CNGB1: variants seen among roughly 807,000 people sequenced by gnomAD.
CNGB1 encodes cyclic nucleotide-gated channel beta-1.
In CNGB1, 126 loss-of-function variants were observed where a neutral mutation model predicts 151.7. The ratio of observed to expected loss-of-function variants is 0.83; its 90% CI spans 0.72 to 0.96. The LOEUF is 0.96. CNGB1 is among the 40% of genes least tolerant of loss of function. The pLI is 0.00. For synonymous variants in CNGB1, 623 were observed against 635.1 expected, an observed-to-expected ratio of 0.98 and a Z score of 0.29; for missense variants, 1,698 against 1,627.0, an observed-to-expected ratio of 1.04 and a Z score of -0.75.
At chr16:57,945,615 G>C (rs73545162) in intron 14 of CNGB1, among the ~76,000 whole-genome samples, 14,824 of 152,300 alleles carry the variant, frequency 0.097, 803 homozygotes, top group South Asian at 0.11. Flanking sequence ...ATGTTGTTCT[G>C]GTGATTCTTC....
chr16:57,910,782 A>G (rs1287494415), intron 25 of CNGB1, among the ~76,000 whole-genome samples: 2 of 150,496 alleles, frequency 1.3e-5, no homozygotes, highest in African/African-American at 4.9e-5. Flanking sequence ...TCTAACCAAT[A>G]TAAACCTTAC....
rs146531923 is a variant in CNGB1 at position 57,912,410 on chromosome 16, A to G, written c.2369+520T>C. On this transcript the variant is annotated intron_variant, in intron 24 of 32. Transcript: ENST00000251102. ...CCAGCTGATGTGCACCCTCATCACA[A>G]TGAGGGGCATCGGATATTCCTGGTT... is the stretch of plus-strand genomic sequence containing the variant. Among the ~76,000 whole-genome samples the G allele has an allele frequency of 5.0e-3, 754 of 152,312 alleles. 7 individuals are homozygous for G. The highest frequency in any genetic ancestry group is 0.016 in the African/African-American group (680 of 41,562).
chr16:57,954,024 A>G (rs541263571), intron 12 of CNGB1, among the ~76,000 whole-genome samples: 1 of 152,208 alleles, frequency 6.6e-6, no homozygotes, highest in East Asian at 1.9e-4. Context: ...CCTGTCTCCA[A>G]TGCTTGCTCA....
At position 57,967,266 on chromosome 16, in the gene CNGB1, C is replaced by G. The variant is rs763447996; in HGVS notation, c.21G>C (p.Arg7Ser). ...GGGTCCCTGGGGGCTGAGGCAGCAC[C>G]CTCTGGACCCAGCCCAACATCCTGA... MLGWVQ[R>S]VLPQPPGTPR... The change falls in exon 2 of 33, where the codon AGG (arginine) becomes AGC (serine). Residue 7 changes from arginine to serine, a missense_variant. Physicochemically the swap from Arg to Ser is moderately radical, Grantham distance 110. Transcript: ENST00000251102. 2 of 1,614,050 alleles carry G rather than the reference C, an allele frequency of 1.2e-6. No individual in the cohort carries two copies. The highest frequency in any genetic ancestry group is 1.7e-6 in the Non-Finnish European group (2 of 1,180,026).
chr16:57,917,618 GTGTA>G lies in CNGB1; in HGVS notation c.1958-146_1958-143del, dbSNP rs1567376598. 151 of 677,964 alleles carry G rather than the reference GTGTA, an allele frequency of 2.2e-4. 1 individual carries two copies. Among genetic ancestry groups the G allele is most frequent in the Middle Eastern group, 1.2e-3 (3 of 2,524 alleles). 42.0% of individuals were successfully genotyped at this position (677,964 alleles called of 1,614,324 possible). On this transcript the variant is annotated intron_variant, in intron 20 of 32. Transcript: ENST00000251102. ...TAAGAGTGTGTGTATGTGTGTGTGTGTGTATATATACACACACACACACACACAC... is the reference window on the plus strand; with the variant it reads ...TAAGAGTGTGTGTATGTGTGTGTGTGTATATACACACACACACACACACAC...
chr16:57,957,092 A>G (rs1962105558), intron 12 of CNGB1, among the ~76,000 whole-genome samples: 2 of 152,178 alleles, frequency 1.3e-5, no homozygotes, highest in Admixed American at 1.3e-4. Flanking sequence ...GAAGCTGGAC[A>G]CTGGGCTCCG....
Position 57,911,863 on chromosome 16 carries a change from G to T in CNGB1, c.2382C>A (p.Thr794=). The stretch of plus-strand genomic sequence containing the variant: ...GCAGGCTGTAGAGAAGGTAGGCTGT[G>T]GTCCTGATGACCCTGCAGAAGGAAC... ...SKAYVYRVIR[T]TAYLLYSLHL... Residue 794 remains threonine, a synonymous_variant, in exon 25 of 33, where the codon ACC becomes ACA. Transcript: ENST00000251102. The T allele has an allele frequency of 6.2e-7, 1 of 1,613,738 alleles. No homozygotes were observed. The highest frequency in any genetic ancestry group is 8.5e-7 in the Non-Finnish European group (1 of 1,179,804).
intron 11 of CNGB1, among the ~76,000 whole-genome samples, chr16:57,958,008 T>G (rs371251470): frequency 1.1e-4 from 17 of 152,316 alleles, no homozygotes; most frequent in East Asian, 7.7e-4. Flanking sequence ...GCCACTCATG[T>G]TGGAGCCCTA....
chr16:57,961,691 A>G (rs1351245108), intron 7 of CNGB1, among the ~76,000 whole-genome samples: 1 of 152,184 alleles, frequency 6.6e-6, no homozygotes, highest in Non-Finnish European at 1.5e-5. Context: ...GTGTGATTAT[A>G]TATACGTGTG....
chr16:57,905,199 C>T (rs553770454), intron 25 of CNGB1, among the ~76,000 whole-genome samples: 6 of 152,284 alleles, frequency 3.9e-5, no homozygotes, highest in South Asian at 2.1e-4. Flanking sequence ...TCCTAATGAC[C>T]GCACTCCCTC....
At chr16:57,970,725 C>T (rs979105374) in intron 1 of CNGB1, among the ~76,000 whole-genome samples, 1 of 152,144 alleles carries the variant, frequency 6.6e-6, no homozygotes, top group Non-Finnish European at 1.5e-5. Context: ...CTGCTGACTG[C>T]ACTTTGATGA....
intron 1 of CNGB1, among the ~76,000 whole-genome samples, chr16:57,968,824 C>T (rs1017250272): frequency 2.8e-5 from 4 of 145,452 alleles, no homozygotes; most frequent in African/African-American, 5.1e-5. Context: ...CTCAGGAGTT[C>T]GAGACCACTG....
chr16:57,885,444 G>A (rs1339422108), intron 32 of CNGB1, among the ~76,000 whole-genome samples: 1 of 151,568 alleles, frequency 6.6e-6, no homozygotes, highest in African/African-American at 2.4e-5. Context: ...TGGTGCCCCT[G>A]TCCCACCCTC....
intron 3 of CNGB1, 134 bp from the exon 4 acceptor site, chr16:57,964,336 C>G: frequency 2.2e-6 from 3 of 1,352,560 alleles, no homozygotes; most frequent in South Asian, 2.4e-5. Context: ...CTCAGCTCAA[C>G]TGAAGTCTCT....
chr16:57,895,664 G>C (rs1411847108), intron 31 of CNGB1, among the ~76,000 whole-genome samples: 2 of 151,704 alleles, frequency 1.3e-5, no homozygotes, highest in African/African-American at 4.8e-5. Flanking sequence ...ACTGCTCCTA[G>C]GACTCAGATC....
At position 57,950,472 on chromosome 16, in the gene CNGB1, C is replaced by A. The variant is rs377036528; in HGVS notation, c.943G>T (p.Asp315Tyr). The A allele has an allele frequency of 2.5e-6, 4 of 1,614,118 alleles. No individual in the cohort carries two copies. Among genetic ancestry groups the A allele is most frequent in the African/African-American group, 1.3e-5 (1 of 74,940 alleles). Reference protein sequence around the residue: ...VLEEVEPPWEDAHQDVSTSPQ... With the variant: ...VLEEVEPPWEYAHQDVSTSPQ... ...CTGGTACTGACATCCTGGTGGGCAT[C>A]CTCCCAGGGCGGTTCAACCTCCTCT... Residue 315 changes from aspartate (D) to tyrosine (Y), a missense_variant, in exon 13 of 33, where the codon GAT becomes TAT. Transcript: ENST00000251102.
intron 16 of CNGB1, 133 bp from the exon 17 acceptor site, chr16:57,932,011 G>T: frequency 1.0e-6 from 1 of 996,202 alleles, no homozygotes; most frequent in Non-Finnish European, 1.5e-6. Context: ...TCCCAATGGG[G>T]CACACAGAAA....
At chr16:57,906,295 G>A (rs1960548464) in intron 25 of CNGB1, among the ~76,000 whole-genome samples, 1 of 152,244 alleles carries the variant, frequency 6.6e-6, no homozygotes, top group Non-Finnish European at 1.5e-5. Context: ...GACAAAATGA[G>A]GTGCTAGAAG....
chr16:57,960,697 T>C (rs1230555677), intron 8 of CNGB1, 143 bp downstream of exon 8: 11 of 1,231,648 alleles, frequency 8.9e-6, no homozygotes, highest in East Asian at 5.1e-5. Flanking sequence ...CTCCTCCCCA[T>C]AGAGGACTCT....
Sources: gnomAD v4.1 joint callset for allele counts (sites outside exome capture counted in the v4.1 genomes callset) on GRCh38, gnomAD v4.1.1 for gene constraint, MANE v1.5 for transcripts, NCBI Gene and HGNC (gene_info 2026-07-23, HGNC 2026-07-21) for gene names.